Variants in ARHGAP24 observed in about 807,000 individuals in gnomAD.
The protein encoded by ARHGAP24 is Rho GTPase activating protein 24.
ARHGAP24 carries 50 observed loss-of-function variants against 76.4 expected under a neutral mutation model. That is an observed-to-expected ratio of 0.65 (90% confidence interval 0.52 to 0.83). ARHGAP24 has a LOEUF of 0.83. Among genes scored for constraint, ARHGAP24 ranks in the 40% least tolerant of loss-of-function variants. The probability of loss-of-function intolerance (pLI) is 0.00; values close to 1 mark genes in which losing one functional copy is unlikely to be tolerated. For synonymous variants in ARHGAP24, 345 were observed against 323.3 expected (o/e 1.07, Z -0.72); for missense variants, 930 against 914.2 (o/e 1.02, Z -0.22).
At chr4:85,624,734 A>G (rs904221217) in intron 2 of ARHGAP24, among the ~76,000 whole-genome samples, 4 of 152,176 alleles carry the variant, frequency 2.6e-5, no homozygotes, top group Non-Finnish European at 4.4e-5. Flanking sequence ...GCTATTGATT[A>G]TTGCCACAAT....
chr4:85,970,877 A>C lies in ARHGAP24; in HGVS notation c.600-1159A>C, dbSNP rs75000536. 5.8e-4 allele frequency among the ~76,000 whole-genome samples: 88 copies of C among 152,300 alleles called. 1 individual carries two copies. In the East Asian group the frequency reaches 0.016, roughly 28 times the overall value. ...ATACAAAAACAAAACAACTTCCCAC[A>C]CACAAATTAAAACTCTATTCTTGCT... On this transcript the variant is annotated intron_variant, in intron 5 of 9. Transcript: ENST00000395184.
At chr4:85,545,358 C>T (rs376146644) in intron 1 of ARHGAP24, among the ~76,000 whole-genome samples, 2 of 152,146 alleles carry the variant, frequency 1.3e-5, no homozygotes, top group East Asian at 1.9e-4. Context: ...CCTCAGCCCC[C>T]GAAAGTGCTG....
intron 3 of ARHGAP24, among the ~76,000 whole-genome samples, chr4:85,850,996 G>T (rs1417119529): frequency 1.3e-5 from 2 of 152,048 alleles, no homozygotes; most frequent in Non-Finnish European, 2.9e-5. Flanking sequence ...TCAAGTCCTG[G>T]ATATCCTTGT....
intron 2 of ARHGAP24, among the ~76,000 whole-genome samples, chr4:85,716,900 G>T (rs1724752492): frequency 6.6e-6 from 1 of 152,056 alleles, no homozygotes; most frequent in Non-Finnish European, 1.5e-5. Context: ...AAGGAAACAG[G>T]TGAATAAATA....
intron 3 of ARHGAP24, among the ~76,000 whole-genome samples, chr4:85,909,782 G>A (rs551441164): frequency 6.6e-6 from 1 of 152,328 alleles, no homozygotes; most frequent in South Asian, 2.1e-4. Flanking sequence ...CTAGAAAATT[G>A]TAGAGCTATA....
At chr4:85,963,548 T>C (rs1738386841) in intron 5 of ARHGAP24, among the ~76,000 whole-genome samples, 1 of 152,118 alleles carries the variant, frequency 6.6e-6, no homozygotes, top group Admixed American at 6.6e-5. Context: ...ATGTTCTACA[T>C]TAAGCCTTAT....
chr4:85,609,700 T>C (rs565254267), intron 2 of ARHGAP24, among the ~76,000 whole-genome samples: 2 of 152,328 alleles, frequency 1.3e-5, no homozygotes, highest in South Asian at 4.1e-4. Flanking sequence ...TCATTTTTAA[T>C]TGACACATAA....
intron 1 of ARHGAP24, among the ~76,000 whole-genome samples, chr4:85,488,807 G>A (rs1723249817): frequency 6.6e-6 from 1 of 152,160 alleles, no homozygotes; most frequent in East Asian, 1.9e-4. Context: ...TCACTAGTAT[G>A]ATTTTCTGTG....
intron 2 of ARHGAP24, among the ~76,000 whole-genome samples, chr4:85,624,220 G>A (rs1720835838): frequency 6.6e-6 from 1 of 152,094 alleles, no homozygotes; most frequent in African/African-American, 2.4e-5. Flanking sequence ...TTGGCTGTGG[G>A]TTTGTCATAG....
chr4:85,593,740 T>G (rs1283209502), intron 2 of ARHGAP24, among the ~76,000 whole-genome samples: 1 of 152,174 alleles, frequency 6.6e-6, no homozygotes, highest in Non-Finnish European at 1.5e-5. Flanking sequence ...TCTCAACACC[T>G]TTGTCAAAAA....
intron 1 of ARHGAP24, among the ~76,000 whole-genome samples, chr4:85,495,582 T>G (rs1282539286): frequency 6.6e-6 from 1 of 151,824 alleles, no homozygotes; most frequent in Non-Finnish European, 1.5e-5. Flanking sequence ...TCAATCTCCT[T>G]ACCTGGTGAT....
Position 85,720,639 on chromosome 4 carries a change from A to T in ARHGAP24, c.181-1246A>T, listed in dbSNP as rs750919737. 6.6e-5 allele frequency among the ~76,000 whole-genome samples: 10 copies of T among 152,224 alleles called. 1 individual carries two copies. The highest frequency in any genetic ancestry group is 2.4e-4 in the African/African-American group (10 of 41,468). ...TGGCTTACAGTTGGTTATTGAAATC[A>T]TAGGCCTGGATGAGATAGCCTGGAG... On this transcript the variant is annotated intron_variant, in intron 2 of 9. Coordinates refer to ENST00000395184, the MANE Select transcript of ARHGAP24 (RefSeq NM_001025616.3).
chr4:85,648,995 A>C (rs947810123), intron 2 of ARHGAP24, among the ~76,000 whole-genome samples: 2 of 142,578 alleles, frequency 1.4e-5, no homozygotes, highest in African/African-American at 5.2e-5. Flanking sequence ...CTTTGGGTTA[A>C]ATTGCATTTG....
intron 3 of ARHGAP24, among the ~76,000 whole-genome samples, chr4:85,735,206 C>T (rs1725560843): frequency 6.6e-6 from 1 of 152,140 alleles, no homozygotes; most frequent in African/African-American, 2.4e-5. Context: ...GAATCTCATG[C>T]ATACTAAAGT....
At chr4:85,555,984 A>T (rs904051350) in intron 1 of ARHGAP24, among the ~76,000 whole-genome samples, 1 of 152,190 alleles carries the variant, frequency 6.6e-6, no homozygotes, top group Non-Finnish European at 1.5e-5. Context: ...CAGCAAGGAC[A>T]GTACCACTGC....
At chr4:85,783,331 G>T (rs896548175) in intron 3 of ARHGAP24, among the ~76,000 whole-genome samples, 4 of 152,068 alleles carry the variant, frequency 2.6e-5, no homozygotes, top group Admixed American at 1.3e-4. Context: ...ATAGAACATG[G>T]CTCCTATTGT....
chr4:85,954,100 C>T (rs346488), intron 5 of ARHGAP24, among the ~76,000 whole-genome samples: 54,084 of 151,938 alleles, frequency 0.36, 9,811 homozygotes, highest in East Asian at 0.53. Flanking sequence ...ACCACCATTG[C>T]ATTAAAACAA....
chr4:85,577,103 G>A (rs1297088460), intron 2 of ARHGAP24, among the ~76,000 whole-genome samples: 1 of 151,058 alleles, frequency 6.6e-6, no homozygotes, highest in African/African-American at 2.4e-5. Flanking sequence ...TATTGTTTAA[G>A]ATATTAATAC....
chr4:85,879,577 G>A (rs182420645), intron 3 of ARHGAP24, among the ~76,000 whole-genome samples: 15 of 151,960 alleles, frequency 9.9e-5, no homozygotes, highest in Non-Finnish European at 1.6e-4. Flanking sequence ...AATTGCAGAA[G>A]ATCATAAATA....
Sources: gnomAD v4.1 joint callset for allele counts (sites outside exome capture counted in the v4.1 genomes callset) on GRCh38, gnomAD v4.1.1 for gene constraint, MANE v1.5 for transcripts, NCBI Gene and HGNC (gene_info 2026-07-23, HGNC 2026-07-21) for gene names.